The following NLGN3 variants were observed in gnomAD, a reference collection of about 807,000 sequenced individuals.
NLGN3 encodes neuroligin 3.
In NLGN3, 11 loss-of-function variants were observed where a neutral mutation model predicts 42.9. That is an observed-to-expected ratio of 0.26 (90% CI 0.16 to 0.42). The LOEUF is 0.42. Ranked by LOEUF, NLGN3 falls within the 10% of genes least tolerant of loss-of-function variation. The pLI, the probability that NLGN3 is intolerant of heterozygous loss-of-function variation, is 1.00. For synonymous variants in NLGN3, 279 were observed against 312.7 expected, an observed-to-expected ratio of 0.89 and a Z score of 1.14; for missense variants, 374 against 733.8, an observed-to-expected ratio of 0.51 and a Z score of 5.67.
chrX:71,148,500 G>A (rs970216840), intron 2 of NLGN3, among the ~76,000 whole-genome samples: 4 of 111,012 alleles, frequency 3.6e-5, no homozygotes, highest in Admixed American at 2.9e-4. Flanking sequence ...TATGGGTCAC[G>A]GCTGGCAGCT....
downstream of NLGN3, among the ~76,000 whole-genome samples, chrX:71,172,053 T>C (rs1016392617): frequency 1.6e-4 from 18 of 111,445 alleles, no homozygotes; most frequent in African/African-American, 5.9e-4. Context: ...AGGTAGTGTG[T>C]ACAAAGACCA....
chrX:71,172,136 AAAG>A (rs1451107586), downstream of NLGN3, among the ~76,000 whole-genome samples: 4 of 111,894 alleles, frequency 3.6e-5, no homozygotes, highest in Admixed American at 9.5e-5. Flanking sequence ...GTATAGTTAA[AAAG>A]AAGAAGAACT....
At chrX:71,152,254 T>C (rs914056767) in intron 3 of NLGN3, among the ~76,000 whole-genome samples, 3 of 110,980 alleles carry the variant, frequency 2.7e-5, no homozygotes, top group African/African-American at 6.6e-5. Context: ...ACTTCTAGCC[T>C]CCTTAGAACA....
Position 71,170,254 on chromosome X carries a change from T to C in NLGN3, c.*157T>C, listed in dbSNP as rs2092467143. Reference sequence around the variant, plus strand: ...TACAGCAGATCCACCTGCACAAACATAGACAGATGTGGACATGCACCCGCA... The same window carrying C: ...TACAGCAGATCCACCTGCACAAACACAGACAGATGTGGACATGCACCCGCA... On this transcript the variant is annotated 3_prime_UTR_variant, in exon 8 of 8. Transcript: ENST00000358741. The C allele has an allele frequency of 8.8e-7, 1 of 1,133,134 alleles. No homozygotes were observed. Among genetic ancestry groups the C allele is most frequent in the African/African-American group, 1.8e-5 (1 of 54,915 alleles). 93.4% of individuals were successfully genotyped at this position (1,133,134 alleles called of 1,213,427 possible). A position where few individuals can be genotyped will look rare whatever the true frequency, so the allele number is the denominator to read the frequency against.
rs757202151 is a variant in NLGN3 at position 71,169,338 on chromosome X, C to T, written c.1788C>T (p.Tyr596=). ...NRFEEVAWSK[Y]NPRDQLYLHI... ...TTGAGGAAGTGGCCTGGTCCAAATACAATCCCCGAGACCAGCTCTACCTTC... is the reference window on the plus strand; with the variant it reads ...TTGAGGAAGTGGCCTGGTCCAAATATAATCCCCGAGACCAGCTCTACCTTC... Residue 596 remains tyrosine (Y), a synonymous_variant, in exon 8 of 8, where the codon TAC becomes TAT. Coordinates refer to ENST00000358741, the MANE Select transcript of NLGN3 (RefSeq NM_181303.2). 1 of 1,207,850 alleles carries T rather than the reference C, an allele frequency of 8.3e-7. No homozygotes were observed. The highest frequency in any genetic ancestry group is 3.0e-5 in the East Asian group (1 of 33,748).
chrX:71,166,257 G>GT (rs1362435274), intron 6 of NLGN3, among the ~76,000 whole-genome samples: 1 of 110,594 alleles, frequency 9.0e-6, no homozygotes, highest in Non-Finnish European at 1.9e-5. Context: ...GGAAGTTCAA[G>GT]ACCAGCCTGA....
intron 3 of NLGN3, among the ~76,000 whole-genome samples, chrX:71,152,377 C>G: frequency 9.1e-6 from 1 of 110,323 alleles, no homozygotes; most frequent in Non-Finnish European, 1.9e-5. Context: ...CTACATGCCC[C>G]ACTGCTTTTC....
chrX:71,173,988 A>C (rs2092474886), downstream of NLGN3, among the ~76,000 whole-genome samples: 1 of 111,444 alleles, frequency 9.0e-6, no homozygotes, highest in African/African-American at 3.3e-5. Context: ...GATGGGCCAA[A>C]ATGGTGGGAA....
intron 1 of NLGN3, 34 bp from the exon 2 acceptor site, chrX:71,147,516 A>G: frequency 4.5e-6 from 2 of 439,749 alleles, no homozygotes; most frequent in Non-Finnish European, 8.0e-6. Flanking sequence ...CTCCCAGACC[A>G]TCTTGGATGA....
At chrX:71,175,161 C>T (rs948108833), downstream of NLGN3, among the ~76,000 whole-genome samples, 5 of 111,544 alleles carry the variant, frequency 4.5e-5, no homozygotes, top group African/African-American at 9.8e-5. Flanking sequence ...ACTGGGCTCA[C>T]AGTAGATTTG....
chrX:71,158,039 A>G (rs1232131385), intron 5 of NLGN3, among the ~76,000 whole-genome samples: 1 of 108,799 alleles, frequency 9.2e-6, no homozygotes, highest in Non-Finnish European at 1.9e-5. Context: ...AAACCCACAC[A>G]CTAGGGCTGC....
intron 3 of NLGN3, 151 bp from the exon 4 acceptor site, chrX:71,153,326 T>A: frequency 3.5e-6 from 2 of 565,943 alleles, no homozygotes; most frequent in South Asian, 4.9e-5. Flanking sequence ...AGCCCACCCA[T>A]TCCCTCAGTT....
intron 2 of NLGN3, among the ~76,000 whole-genome samples, chrX:71,148,539 G>A (rs2092379714): frequency 1.8e-5 from 2 of 111,491 alleles, no homozygotes; most frequent in African/African-American, 6.5e-5. Flanking sequence ...GCTCCACCAG[G>A]CCCCCCTGTT....
downstream of NLGN3, among the ~76,000 whole-genome samples, chrX:71,175,018 A>G (rs186344052): frequency 5.9e-4 from 66 of 112,243 alleles, no homozygotes; most frequent in South Asian, 1.1e-3. Context: ...TGCACTGATC[A>G]GACCACATCT....
chrX:71,161,428 C>G (rs1408705147), intron 5 of NLGN3, among the ~76,000 whole-genome samples: 1 of 109,842 alleles, frequency 9.1e-6, no homozygotes, highest in African/African-American at 3.3e-5. Context: ...GATAGCATTT[C>G]AAGCAGGACT....
At chrX:71,148,788 G>C (rs932516208) in intron 2 of NLGN3, 58 bp from the exon 3 acceptor site, 3 of 1,063,923 alleles carry the variant, frequency 2.8e-6, no homozygotes, top group African/African-American at 3.8e-5. Flanking sequence ...GGGGTGGGGG[G>C]TGCATGCCCC....
intron 5 of NLGN3, among the ~76,000 whole-genome samples, chrX:71,161,176 G>T (rs1405859142): frequency 2.9e-5 from 3 of 103,715 alleles, no homozygotes; most frequent in Non-Finnish European, 5.9e-5. Flanking sequence ...GTGCAATGGC[G>T]CTATCTCGGC....
At chrX:71,154,247 C>T (rs1258035623) in intron 4 of NLGN3, among the ~76,000 whole-genome samples, 1 of 113,468 alleles carries the variant, frequency 8.8e-6, no homozygotes, top group Admixed American at 9.2e-5. Flanking sequence ...CAGCAGAGAG[C>T]ATTCCCTTCC....
intron 3 of NLGN3, among the ~76,000 whole-genome samples, chrX:71,150,460 G>C (rs1175092622): frequency 1.8e-5 from 2 of 111,729 alleles, no homozygotes; most frequent in Non-Finnish European, 3.8e-5. Context: ...CCAGCACTTT[G>C]GGAGGCCGAG....
Sources: gnomAD v4.1 joint callset for allele counts (sites outside exome capture counted in the v4.1 genomes callset) on GRCh38, gnomAD v4.1.1 for gene constraint, MANE v1.5 for transcripts, NCBI Gene and HGNC (gene_info 2026-07-23, HGNC 2026-07-21) for gene names.